Variants in IFT81 observed in about 807,000 individuals in gnomAD.
The protein encoded by IFT81 is intraflagellar transport protein 81 homolog.
IFT81 carries 72 observed loss-of-function variants against 102.6 expected under a neutral mutation model. That is an observed-to-expected ratio of 0.70 (90% CI 0.58 to 0.85). IFT81 has a LOEUF of 0.85. Ranked by LOEUF, IFT81 falls within the 40% of genes least tolerant of loss-of-function variation. The probability of loss-of-function intolerance (pLI) is 0.00; values close to 1 mark genes in which losing one functional copy is unlikely to be tolerated. For synonymous variants in IFT81, 237 were observed against 242.7 expected, an observed-to-expected ratio of 0.98 and a Z score of 0.22; for missense variants, 723 against 787.3, an observed-to-expected ratio of 0.92 and a Z score of 0.98.
chr12:110,204,283 C>T (rs1898453565), intron 15 of IFT81: 2 of 214,704 alleles, frequency 9.3e-6, no homozygotes, highest in African/African-American at 4.6e-5. Flanking sequence ...CCACTCCCAG[C>T]AAAGTACAAG....
rs769288376 is a variant in IFT81, at chr12:110,129,835, AT to A, written c.429+720del. ...TAGACTCAGATTTAAAAGGACTTTG[AT>A]TTTTTTTTTTTTTTAAAAAGTGCTT... On this transcript the variant is annotated intron_variant, in intron 4 of 18. Transcript: ENST00000242591. Among the ~76,000 whole-genome samples, 266 of 143,074 alleles carry A rather than the reference AT, an allele frequency of 1.9e-3. 1 individual carries two copies. Among genetic ancestry groups the A allele is most frequent in the African/African-American group, 2.9e-3 (115 of 39,118 alleles). 93.9% of individuals were successfully genotyped at this position (143,074 alleles called of 152,430 possible).
At chr12:110,129,835 A>ATTTTTTTTTTTTTTTTTTTTTT (rs769288376) in intron 4 of IFT81, among the ~76,000 whole-genome samples, 1 of 143,298 alleles carries the variant, frequency 7.0e-6, no homozygotes, top group African/African-American at 2.6e-5. Flanking sequence ...AAGGACTTTG[A>ATTTTTTTTTTTTTTTTTTTTTT]TTTTTTTTTT....
intron 11 of IFT81, among the ~76,000 whole-genome samples, chr12:110,166,213 C>G (rs1236917782): frequency 6.6e-6 from 1 of 152,158 alleles, no homozygotes; most frequent in Non-Finnish European, 1.5e-5. Flanking sequence ...TTGTCAATCA[C>G]TTGGATGAAG....
At chr12:110,173,998 C>T (rs1177702711) in intron 11 of IFT81, among the ~76,000 whole-genome samples, 1 of 151,880 alleles carries the variant, frequency 6.6e-6, no homozygotes, top group Admixed American at 6.6e-5. Flanking sequence ...AAAAATTAGG[C>T]CGGGCACGGT....
chr12:110,166,374 T>C (rs992550291), intron 11 of IFT81, among the ~76,000 whole-genome samples: 1 of 152,212 alleles, frequency 6.6e-6, no homozygotes, highest in Non-Finnish European at 1.5e-5. Flanking sequence ...ATAGCATTAA[T>C]GAGAATAATT....
At chr12:110,209,331 A>G (rs1869102122) in intron 18 of IFT81, 115 bp downstream of exon 18, 1 of 433,848 alleles carries the variant, frequency 2.3e-6, no homozygotes, top group African/African-American at 2.0e-5. Flanking sequence ...TTTTGAGGGG[A>G]AATTGTTCAT....
chr12:110,198,973 T>C (rs1039516621), intron 14 of IFT81, among the ~76,000 whole-genome samples: 5 of 152,000 alleles, frequency 3.3e-5, no homozygotes, highest in African/African-American at 1.2e-4. Context: ...CACGCCTGGC[T>C]AATTTTTGTA....
chr12:110,187,493 G>A (rs1461814100), intron 12 of IFT81, among the ~76,000 whole-genome samples: 1 of 152,160 alleles, frequency 6.6e-6, no homozygotes, highest in East Asian at 1.9e-4. Context: ...TTGAACTCCT[G>A]ACTTCAAGTG....
At chr12:110,139,866 TATAAAATAAAATAAAATAAA>T (rs1222136752) in intron 8 of IFT81, among the ~76,000 whole-genome samples, 1 of 130,092 alleles carries the variant, frequency 7.7e-6, no homozygotes, top group Non-Finnish European at 1.6e-5. Context: ...TAAAATAAAA[TATAAAATAAAATAAAATAAA>T]ATAAAATAAA....
chr12:110,189,364 T>A (rs1007819637), intron 12 of IFT81, among the ~76,000 whole-genome samples: 2 of 151,520 alleles, frequency 1.3e-5, no homozygotes, highest in East Asian at 1.9e-4. Flanking sequence ...TTATTTATTT[T>A]TTGAGACAGA....
At chr12:110,139,866 T>TAAAGTAAA (rs1477964163) in intron 8 of IFT81, among the ~76,000 whole-genome samples, 1 of 130,092 alleles carries the variant, frequency 7.7e-6, no homozygotes, top group Non-Finnish European at 1.6e-5. Flanking sequence ...TAAAATAAAA[T>TAAAGTAAA]ATAAAATAAA....
chr12:110,208,314 G>T (rs1485782826), intron 17 of IFT81, among the ~76,000 whole-genome samples: 3 of 152,076 alleles, frequency 2.0e-5, no homozygotes, highest in Non-Finnish European at 4.4e-5. Context: ...ACCAGCCTGG[G>T]CAACATGGCA....
At position 110,204,005 on chromosome 12, in the gene IFT81, C is replaced by A. The variant is rs372844270; in HGVS notation, c.1644+55C>A. ...TAGCAAAAACTACCTGTGTGTACAC[C>A]TGTAGTCCCAGCTACTCTGGAGGCT... On this transcript the variant is annotated intron_variant, in intron 15 of 18. Transcript: ENST00000242591. 74 of 1,096,248 alleles carry A rather than the reference C, an allele frequency of 6.8e-5. No individual in the cohort carries two copies. In the East Asian group the frequency reaches 9.0e-4, roughly 13 times the overall value. 67.9% of individuals were successfully genotyped at this position (1,096,248 alleles called of 1,614,324 possible). A position where few individuals can be genotyped will look rare whatever the true frequency, so the allele number is the denominator to read the frequency against.
intron 10 of IFT81, among the ~76,000 whole-genome samples, chr12:110,160,818 A>G (rs908625399): frequency 6.6e-6 from 1 of 152,074 alleles, no homozygotes; most frequent in Admixed American, 6.5e-5. Context: ...TAGTTTTTCT[A>G]TTCTTTTGAT....
At chr12:110,208,163 G>A (rs985563863) in intron 17 of IFT81, among the ~76,000 whole-genome samples, 2 of 152,098 alleles carry the variant, frequency 1.3e-5, no homozygotes, top group Non-Finnish European at 2.9e-5. Context: ...AATGTTATAT[G>A]TATGTGTGTA....
At chr12:110,211,175 CTTTTTTTTTTT>C (rs796140785) in intron 18 of IFT81, among the ~76,000 whole-genome samples, 5 of 102,200 alleles carry the variant, frequency 4.9e-5, no homozygotes, top group Non-Finnish European at 8.2e-5. Context: ...ATTAGGCTTT[CTTTTTTTTTTT>C]TTTTTTTTTT....
intron 14 of IFT81, among the ~76,000 whole-genome samples, chr12:110,194,966 T>G (rs1227435673): frequency 6.6e-6 from 1 of 152,226 alleles, no homozygotes; most frequent in African/African-American, 2.4e-5. Flanking sequence ...CTGTACTTTT[T>G]TTGTCCACCT....
chr12:110,183,942 A>T (rs749502978), intron 12 of IFT81, among the ~76,000 whole-genome samples: 3 of 152,196 alleles, frequency 2.0e-5, no homozygotes, highest in Non-Finnish European at 2.9e-5. Flanking sequence ...GAGTTTTGCC[A>T]GTCTTAAAAT....
At chr12:110,145,108 CT>C (rs1172505439) in intron 9 of IFT81, among the ~76,000 whole-genome samples, 1 of 148,576 alleles carries the variant, frequency 6.7e-6, no homozygotes, top group Non-Finnish European at 1.5e-5. Flanking sequence ...TCACAGCTCA[CT>C]GCAGCCTCCA....
Sources: gnomAD v4.1 joint callset for allele counts (sites outside exome capture counted in the v4.1 genomes callset) on GRCh38, gnomAD v4.1.1 for gene constraint, MANE v1.5 for transcripts, NCBI Gene and HGNC (gene_info 2026-07-23, HGNC 2026-07-21) for gene names.